GRIA3: variants seen among roughly 807,000 people sequenced by gnomAD.
GRIA3 encodes glutamate receptor 3.
Under a neutral mutation model 63.0 loss-of-function variants are expected in GRIA3, and 3 were observed. The ratio of observed to expected loss-of-function variants is 0.05; its 90% CI spans 0.02 to 0.12. GRIA3 has a LOEUF of 0.12. Among genes scored for constraint, GRIA3 ranks in the 10% least tolerant of loss-of-function variants. The probability of loss-of-function intolerance (pLI) is 1.00; values close to 1 mark genes in which losing one functional copy is unlikely to be tolerated. For synonymous variants in GRIA3, 274 were observed against 257.9 expected (o/e 1.06, Z -0.60); for missense variants, 347 against 700.9 (o/e 0.50, Z 5.70).
chrX:123,429,484 C>T (rs909030695), intron 12 of GRIA3, among the ~76,000 whole-genome samples: 3 of 111,873 alleles, frequency 2.7e-5, no homozygotes, highest in Admixed American at 1.9e-4. Flanking sequence ...TGAAGACCCT[C>T]TGGAACTAAT....
intron 2 of GRIA3, among the ~76,000 whole-genome samples, chrX:123,214,840 G>A (rs748325378): frequency 8.9e-6 from 1 of 112,261 alleles, no homozygotes; most frequent in Non-Finnish European, 1.9e-5. Flanking sequence ...CTACGCAACA[G>A]TGTTTCTCTA....
intron 5 of GRIA3, among the ~76,000 whole-genome samples, chrX:123,385,759 T>C (rs1400053615): frequency 8.9e-6 from 1 of 111,961 alleles, no homozygotes; most frequent in Non-Finnish European, 1.9e-5. Context: ...CTATTGTCAA[T>C]GGGATTGCAT....
intron 12 of GRIA3, among the ~76,000 whole-genome samples, chrX:123,460,197 G>C (rs1425710053): frequency 8.9e-6 from 1 of 112,248 alleles, no homozygotes. Context: ...TGAAGTAAAT[G>C]AGTCCAAATT....
intron 2 of GRIA3, among the ~76,000 whole-genome samples, chrX:123,210,786 C>G (rs1928023285): frequency 8.9e-6 from 1 of 111,871 alleles, no homozygotes; most frequent in African/African-American, 3.2e-5. Context: ...TTAATACATG[C>G]TTGCTTTTCT....
At chrX:123,256,554 T>C (rs1029442723) in intron 3 of GRIA3, among the ~76,000 whole-genome samples, 2 of 111,623 alleles carry the variant, frequency 1.8e-5, no homozygotes. Flanking sequence ...TCATGTCGTA[T>C]GGTTGAGGAA....
chrX:123,287,736 C>T (rs780248033), intron 3 of GRIA3, among the ~76,000 whole-genome samples: 3 of 111,632 alleles, frequency 2.7e-5, no homozygotes, highest in Non-Finnish European at 5.6e-5. Context: ...TCAGGGACAA[C>T]TACAAACCAC....
intron 3 of GRIA3, among the ~76,000 whole-genome samples, chrX:123,283,593 G>A (rs976793354): frequency 9.0e-6 from 1 of 110,925 alleles, no homozygotes; most frequent in East Asian, 2.9e-4. Context: ...GACTTGAGTA[G>A]GCGGTTTTCC....
Position 123,478,894 on chromosome X carries a change from A to AT in GRIA3, c.2325-1163dup, listed in dbSNP as rs753105949. On this transcript the variant is annotated intron_variant, in intron 13 of 15. Transcript: ENST00000620443. ...TTATGCCACCCTCTCTACATGGTGC[A>AT]TTTTTTATCCCAAGTCATTAAAGAT... 1.9e-4 allele frequency among the ~76,000 whole-genome samples: 21 copies of AT among 113,032 alleles called. No individual in the cohort carries two copies. The South Asian group carries it at 7.7e-3, about 41-fold the overall frequency.
intron 3 of GRIA3, among the ~76,000 whole-genome samples, chrX:123,253,986 C>T (rs1283151491): frequency 1.8e-5 from 2 of 111,735 alleles, no homozygotes; most frequent in African/African-American, 6.5e-5. Context: ...GCAGTTTCAC[C>T]ACTAAAATGG....
intron 5 of GRIA3, among the ~76,000 whole-genome samples, chrX:123,368,523 G>A (rs900189957): frequency 9.0e-6 from 1 of 111,101 alleles, no homozygotes; most frequent in African/African-American, 3.3e-5. Flanking sequence ...ACTGTGGGTG[G>A]CCATCTCCAA....
At chrX:123,281,105 C>T (rs1569413082) in intron 3 of GRIA3, among the ~76,000 whole-genome samples, 1 of 111,542 alleles carries the variant, frequency 9.0e-6, no homozygotes. Context: ...GCAGGCCACA[C>T]TGAGCTCAGC....
intron 5 of GRIA3, among the ~76,000 whole-genome samples, chrX:123,355,703 C>T (rs1461030771): frequency 9.0e-6 from 1 of 111,683 alleles, no homozygotes; most frequent in Non-Finnish European, 1.9e-5. Flanking sequence ...TAAGTTATTA[C>T]ATGAGTTCTA....
chrX:123,236,045 C>T (rs1002796363), intron 2 of GRIA3, among the ~76,000 whole-genome samples: 1 of 111,160 alleles, frequency 9.0e-6, no homozygotes, highest in Admixed American at 9.6e-5. Flanking sequence ...TTAGTTTTCT[C>T]CGGGCTCAAC....
chrX:123,325,332 A>G (rs1292497782), intron 3 of GRIA3, among the ~76,000 whole-genome samples: 1 of 111,790 alleles, frequency 8.9e-6, no homozygotes, highest in Non-Finnish European at 1.9e-5. Context: ...TTCTCATTCA[A>G]TATAGATCCA....
chrX:123,239,065 T>C (rs2044316599), intron 2 of GRIA3, among the ~76,000 whole-genome samples: 2 of 111,160 alleles, frequency 1.8e-5, no homozygotes, highest in South Asian at 3.8e-4. Context: ...TGATTGAACA[T>C]ACACATCTGA....
intron 9 of GRIA3, 89 bp from the exon 10 acceptor site, chrX:123,404,619 A>T: frequency 1.5e-6 from 1 of 650,080 alleles, no homozygotes. Context: ...CCAAACCTCA[A>T]TAGTCACAGA....
intron 2 of GRIA3, among the ~76,000 whole-genome samples, chrX:123,203,551 T>C (rs1203071932): frequency 9.0e-6 from 1 of 111,173 alleles, no homozygotes; most frequent in African/African-American, 3.3e-5. Context: ...GAGCTCAGAG[T>C]CTTCAAGATG....
chrX:123,258,750 T>C (rs968537149), intron 3 of GRIA3, among the ~76,000 whole-genome samples: 4 of 111,740 alleles, frequency 3.6e-5, no homozygotes, highest in African/African-American at 1.3e-4. Flanking sequence ...TTCTTGCCAG[T>C]GTTCAATAAA....
intron 10 of GRIA3, among the ~76,000 whole-genome samples, chrX:123,415,392 G>A (rs1170826611): frequency 8.9e-6 from 1 of 111,974 alleles, no homozygotes; most frequent in Admixed American, 9.5e-5. Context: ...TCAAATCTTA[G>A]AAAGTGTCAC....
Sources: gnomAD v4.1 joint callset for allele counts (sites outside exome capture counted in the v4.1 genomes callset) on GRCh38, gnomAD v4.1.1 for gene constraint, MANE v1.5 for transcripts, NCBI Gene and HGNC (gene_info 2026-07-23, HGNC 2026-07-21) for gene names.